ENPP3: variants seen among roughly 807,000 people sequenced by gnomAD.
ENPP3 encodes the protein ectonucleotide pyrophosphatase/phosphodiesterase 3.
Under a neutral mutation model 117.8 loss-of-function variants are expected in ENPP3, and 104 were observed. That is an observed-to-expected ratio of 0.88 (90% CI 0.75 to 1.04). The LOEUF is 1.04. ENPP3 is among the 50% of genes least tolerant of loss of function. The pLI is 0.00. For synonymous variants in ENPP3, 380 were observed against 349.9 expected (o/e 1.09, Z -0.96); for missense variants, 1,026 against 1,051.9 (o/e 0.98, Z 0.34).
chr6:131,717,253 T>A (rs1779911264), intron 15 of ENPP3, among the ~76,000 whole-genome samples: 2 of 152,068 alleles, frequency 1.3e-5, no homozygotes, highest in Non-Finnish European at 2.9e-5. Context: ...TTAGAGTCAG[T>A]TATGAATTTT....
intron 24 of ENPP3, among the ~76,000 whole-genome samples, chr6:131,740,840 C>G (rs569279056): frequency 7.9e-5 from 12 of 152,236 alleles, no homozygotes; most frequent in African/African-American, 2.9e-4. Context: ...TCTCTTCTAG[C>G]TATCTTGAAA....
At chr6:131,678,087 A>AGG (rs1388374771) in intron 11 of ENPP3, 147 bp downstream of exon 11, 10 of 519,096 alleles carry the variant, frequency 1.9e-5, no homozygotes, top group Non-Finnish European at 3.4e-5. Context: ...AAGGTATAAA[A>AGG]GGGATGCCAT....
At chr6:131,731,566 C>T (rs1302405655) in intron 20 of ENPP3, among the ~76,000 whole-genome samples, 6 of 152,168 alleles carry the variant, frequency 3.9e-5, no homozygotes, top group Non-Finnish European at 8.8e-5. Flanking sequence ...TTAGTCTGAT[C>T]ATCCCTCTGG....
At chr6:131,653,401 G>C (rs1374888203) in intron 5 of ENPP3, among the ~76,000 whole-genome samples, 3 of 150,846 alleles carry the variant, frequency 2.0e-5, no homozygotes, top group African/African-American at 7.3e-5. Context: ...ACTCGCCTTG[G>C]CCTCCCAAAA....
intron 20 of ENPP3, among the ~76,000 whole-genome samples, chr6:131,733,106 T>C (rs982933987): frequency 5.3e-5 from 8 of 152,174 alleles, no homozygotes; most frequent in Non-Finnish European, 1.5e-5. Context: ...TATTCAAAAC[T>C]AATTTGTTTA....
intron 11 of ENPP3, among the ~76,000 whole-genome samples, chr6:131,678,911 T>TTCTC (rs1229427288): frequency 8.9e-5 from 4 of 44,700 alleles, no homozygotes; most frequent in East Asian, 1.1e-3. Context: ...CTTTCTCTCT[T>TTCTC]TCTTTCTTTC....
intron 15 of ENPP3, among the ~76,000 whole-genome samples, chr6:131,715,987 A>T (rs1316235750): frequency 6.6e-6 from 1 of 151,880 alleles, no homozygotes; most frequent in Non-Finnish European, 1.5e-5. Context: ...ATGCTTGGCG[A>T]TCTGCTTATG....
rs1562446759 is a variant in ENPP3, at chr6:131,678,997, C to CCTTCCTTG, written c.1011+1060_1011+1061insCCTTGCTT. Among the ~76,000 whole-genome samples the CCTTCCTTG allele has an allele frequency of 2.8e-3, 251 of 89,132 alleles. 3 individuals carry two copies. Among genetic ancestry groups the CCTTCCTTG allele is most frequent in the South Asian group, 5.6e-3 (14 of 2,492 alleles). The allele number at this position is 89,132 out of a possible 152,430, so 58.5% of individuals were successfully genotyped here. On this transcript the variant is annotated intron_variant, in intron 11 of 24. Transcript: ENST00000357639. ...TCCTTCCTTCCTTCCTTCCTTCCTT[C>CCTTCCTTG]CTTGCTTCCTTCCTTCCTTCCTTCC...
At position 131,747,336 on chromosome 6, in the gene ENPP3, A is replaced by G. The variant is rs1315861133; in HGVS notation, c.*380A>G. On this transcript the variant is annotated 3_prime_UTR_variant, in exon 25 of 25. Coordinates refer to ENST00000357639, the MANE Select transcript of ENPP3 (RefSeq NM_005021.5). ...GAAGTATGTCTCACTTGGGAACTGA[A>G]TCAACTCTAAATCAGTTTTGTCACA... 1 of 153,196 alleles carries G rather than the reference A, an allele frequency of 6.5e-6. No homozygotes were observed. The highest frequency in any genetic ancestry group is 1.9e-4 in the East Asian group (1 of 5,230). The allele number at this position is 153,196 out of a possible 1,614,324, so 9.5% of individuals were successfully genotyped here.
chr6:131,669,777 G>A (rs1184512623), intron 6 of ENPP3, among the ~76,000 whole-genome samples: 2 of 151,864 alleles, frequency 1.3e-5, no homozygotes, highest in African/African-American at 2.4e-5. Flanking sequence ...CTTGATATGG[G>A]GCCCTAGAAG....
intron 15 of ENPP3, chr6:131,701,365 G>A: frequency 6.2e-7 from 1 of 1,613,892 alleles, no homozygotes; most frequent in Non-Finnish European, 8.5e-7. Context: ...AATCCCAGTA[G>A]GAGGAACTCT....
intron 5 of ENPP3, among the ~76,000 whole-genome samples, chr6:131,656,158 A>T (rs903882168): frequency 6.6e-6 from 1 of 152,104 alleles, no homozygotes; most frequent in Admixed American, 6.6e-5. Context: ...CTCTGCCCCT[A>T]CTGGCGGGGG....
At chr6:131,742,135 C>T (rs911477500) in intron 24 of ENPP3, among the ~76,000 whole-genome samples, 1 of 152,010 alleles carries the variant, frequency 6.6e-6, no homozygotes, top group Non-Finnish European at 1.5e-5. Context: ...GAATAGTGAG[C>T]CACTCACTAT....
chr6:131,712,259 T>A (rs1349630339), intron 15 of ENPP3, among the ~76,000 whole-genome samples: 1 of 147,104 alleles, frequency 6.8e-6, no homozygotes, highest in Non-Finnish European at 1.5e-5. Context: ...GTACTTTTTT[T>A]AAAGTATGCT....
At chr6:131,639,265 A>ATTTTTTTT (rs1554259595) in intron 1 of ENPP3, among the ~76,000 whole-genome samples, 6 of 107,210 alleles carry the variant, frequency 5.6e-5, no homozygotes, top group East Asian at 2.9e-4. Context: ...ATATATATAT[A>ATTTTTTTT]TTTTTTTTTT....
chr6:131,657,234 T>C (rs1306303193), intron 5 of ENPP3, among the ~76,000 whole-genome samples: 1 of 152,112 alleles, frequency 6.6e-6, no homozygotes, highest in African/African-American at 2.4e-5. Context: ...GGTCCTATCT[T>C]AAGTGTATAG....
At chr6:131,738,699 G>A (rs1339461458) in intron 23 of ENPP3, among the ~76,000 whole-genome samples, 1 of 152,096 alleles carries the variant, frequency 6.6e-6, no homozygotes, top group Non-Finnish European at 1.5e-5. Context: ...GTCATAACAG[G>A]TTGCTAAGAA....
intron 24 of ENPP3, among the ~76,000 whole-genome samples, chr6:131,743,057 G>A (rs1780561245): frequency 6.6e-6 from 1 of 152,160 alleles, no homozygotes; most frequent in African/African-American, 2.4e-5. Flanking sequence ...GAAAACTTAA[G>A]CCAAGCTATG....
At chr6:131,652,518 GA>G in intron 3 of ENPP3, 23 bp from the exon 4 acceptor site, 1 of 1,613,246 alleles carries the variant, frequency 6.2e-7, no homozygotes, top group Non-Finnish European at 8.5e-7. Context: ...TAAATGCTCA[GA>G]ACTGAATTGT....
Sources: gnomAD v4.1 joint callset for allele counts (sites outside exome capture counted in the v4.1 genomes callset) on GRCh38, gnomAD v4.1.1 for gene constraint, MANE v1.5 for transcripts, NCBI Gene and HGNC (gene_info 2026-07-23, HGNC 2026-07-21) for gene names.